Variants in RNF19B observed in about 807,000 individuals in gnomAD.
RNF19B encodes ring finger protein 19B.
RNF19B carries 23 observed loss-of-function variants against 65.5 expected under a neutral mutation model. That is an observed-to-expected ratio of 0.35 (90% CI 0.25 to 0.50). The LOEUF is 0.50. Ranked by LOEUF, RNF19B falls within the 20% of genes least tolerant of loss-of-function variation. The pLI, the probability that RNF19B is intolerant of heterozygous loss-of-function variation, is 0.98. For synonymous variants in RNF19B, 372 were observed against 379.6 expected, an observed-to-expected ratio of 0.98 and a Z score of 0.23; for missense variants, 794 against 980.0, an observed-to-expected ratio of 0.81 and a Z score of 2.53.
rs1269751606 is a variant in RNF19B, at chr1:32,964,636, G to A, written c.50C>T (p.Ala17Val). ...SESPRSTSLH[A>V]AAPDPKCRSG... is the part of the protein sequence containing the mutation. The stretch of plus-strand genomic sequence containing the variant: ...GCGGCACTTAGGGTCGGGTGCGGCC[G>A]CATGTAGCGATGTGGAGCGCGGCGA... The change falls in exon 1 of 9, where the codon GCG (alanine) becomes GTG (valine). Residue 17 changes from alanine to valine, a missense_variant. Around this residue, in one of 3 missense-constraint regions of RNF19B, gnomAD observed 374 missense variants for 423.8 expected, o/e 0.88. Transcript: ENST00000235150. The surrounding 1 kb of genome is among the most constrained non-coding windows in gnomAD (Gnocchi z 6.5). 3 of 1,473,808 alleles carry A rather than the reference G, an allele frequency of 2.0e-6. No individual in the cohort carries two copies. The highest frequency in any genetic ancestry group is 2.9e-5 in the African/African-American group (2 of 67,852). The allele number at this position is 1,473,808 out of a possible 1,614,324, so 91.3% of individuals were successfully genotyped here.
chr1:32,930,292 T>C, the RNF19B span, among the ~76,000 whole-genome samples: 20 of 152,058 alleles, frequency 1.3e-4, no homozygotes, highest in Non-Finnish European at 2.9e-5. Flanking sequence ...GTATTTTTAG[T>C]AGAGACAGGG....
chr1:32,964,770 C>G lies in RNF19B; in HGVS notation c.-85G>C. 3 of 1,222,116 alleles carry G rather than the reference C, an allele frequency of 2.5e-6. No homozygotes were observed. The highest frequency in any genetic ancestry group is 2.1e-6 in the Non-Finnish European group (2 of 962,144). 75.7% of individuals were successfully genotyped at this position (1,222,116 alleles called of 1,614,324 possible). ...CCCCTCAGCCAGCGCCCGGCCGCCGCCGACGCCGCCACCACCGCCTCAACC... is the reference window on the plus strand; with the variant it reads ...CCCCTCAGCCAGCGCCCGGCCGCCGGCGACGCCGCCACCACCGCCTCAACC... On this transcript the variant is annotated 5_prime_UTR_variant, in exon 1 of 9. Transcript: ENST00000235150. The surrounding 1 kb of genome is among the most constrained non-coding windows in gnomAD (Gnocchi z 6.5).
intron 1 of RNF19B, among the ~76,000 whole-genome samples, chr1:32,960,961 C>T (rs962921918): frequency 6.6e-6 from 1 of 151,902 alleles, no homozygotes. Context: ...TGCAGTGAGC[C>T]GTGATTGCAC....
chr1:32,944,256 G>C (rs1570092181), intron 5 of RNF19B, 97 bp from the exon 6 acceptor site: 2 of 1,365,370 alleles, frequency 1.5e-6, no homozygotes, highest in East Asian at 2.6e-5. Flanking sequence ...ACTTTATAAA[G>C]AAAGGAAGAC....
intron 6 of RNF19B, among the ~76,000 whole-genome samples, chr1:32,943,558 G>A (rs1642289923): frequency 6.6e-6 from 1 of 152,042 alleles, no homozygotes; most frequent in East Asian, 1.9e-4. Context: ...GGAGGTTGCA[G>A]TGAACCGAGA....
intron 6 of RNF19B, 68 bp downstream of exon 6, chr1:32,943,951 G>A (rs991057254): frequency 9.3e-5 from 136 of 1,467,894 alleles, no homozygotes; most frequent in East Asian, 2.8e-4. Context: ...TGTAAAATGC[G>A]CTGAATTTTA....
chr1:32,935,198 G>C (rs941137219), downstream of RNF19B, among the ~76,000 whole-genome samples: 3 of 149,534 alleles, frequency 2.0e-5, no homozygotes, highest in Admixed American at 6.7e-5. Context: ...CAGTGCAGTG[G>C]GTGATGTCAG....
chr1:32,937,965 A>G (rs1330302047), intron 8 of RNF19B, among the ~76,000 whole-genome samples: 1 of 151,960 alleles, frequency 6.6e-6, no homozygotes, highest in East Asian at 1.9e-4. Flanking sequence ...TAGTGGGAGT[A>G]CCACAATCAC....
In RNF19B at chr1:32,942,283, T is replaced by C; in HGVS notation, c.1579A>G (p.Ile527Val). The change falls in exon 7 of 9, where the codon ATT (isoleucine) becomes GTT (valine). Residue 527 changes from isoleucine to valine, a missense_variant. By Grantham distance (29) the Ile-to-Val change is conservative. This residue lies in a region of RNF19B where 368 missense variants were observed against 447.3 expected (regional missense o/e 0.82). Coordinates refer to ENST00000235150, the MANE Select transcript of RNF19B (RefSeq NM_001300826.2). ...TATTTTCCCTTGCCACTGGAGAGAA[T>C]GCCGCCACTCAGCGTGCCCCCTGAG... ...ALSGGTLSGG[I>V]LSSGKGKYSR... is the part of the protein sequence containing the mutation. The C allele has an allele frequency of 2.5e-6, 4 of 1,612,222 alleles. No homozygotes were observed. Among genetic ancestry groups the C allele is most frequent in the Non-Finnish European group, 3.4e-6 (4 of 1,178,350 alleles).
chr1:32,938,418 C>T lies in RNF19B; in HGVS notation c.1721G>A (p.Ser574Asn), dbSNP rs924228278. 6.2e-7 allele frequency: 1 copy of T among 1,614,212 alleles called. No individual in the cohort carries two copies. The highest frequency in any genetic ancestry group is 2.2e-5 in the East Asian group (1 of 44,892). Residue 574 changes from serine (S) to asparagine (N), a missense_variant, in exon 8 of 9, where the codon AGT becomes AAT. Ser to Asn is a conservative substitution (Grantham distance 46). This residue lies in a region of RNF19B where 368 missense variants were observed against 447.3 expected (regional missense o/e 0.82). Transcript: ENST00000235150. Reference sequence around the variant, plus strand: ...ATACCTGTCCTGTGGGTTGTAGGAACTGATTATGGAACCGGCCATAGCACG... The same window carrying T: ...ATACCTGTCCTGTGGGTTGTAGGAATTGATTATGGAACCGGCCATAGCACG... ...STRAMAGSIISSYNPQDRECN... is the reference protein window; with the variant it reads ...STRAMAGSIINSYNPQDRECN...
At chr1:32,941,142 G>C (rs1282591566) in intron 7 of RNF19B, among the ~76,000 whole-genome samples, 1 of 152,086 alleles carries the variant, frequency 6.6e-6, no homozygotes, top group African/African-American at 2.4e-5. Context: ...AGGATTGCCT[G>C]AGTCCAGGAA....
chr1:32,935,684 C>T (rs986386074), downstream of RNF19B, among the ~76,000 whole-genome samples: 7 of 152,136 alleles, frequency 4.6e-5, no homozygotes, highest in Non-Finnish European at 8.8e-5. Context: ...TGTGATTATG[C>T]GCATCAGTGT....
intron 2 of RNF19B, 69 bp from the exon 3 acceptor site, chr1:32,948,432 C>T: frequency 6.6e-7 from 1 of 1,522,116 alleles, no homozygotes; most frequent in Non-Finnish European, 9.0e-7. Flanking sequence ...TTTAATTGTT[C>T]CTAGGAGTAT....
intron 8 of RNF19B, 96 bp downstream of exon 8, chr1:32,938,300 TG>T: frequency 7.9e-7 from 1 of 1,270,464 alleles, no homozygotes; most frequent in East Asian, 2.3e-5. Flanking sequence ...TCCCAGGAGA[TG>T]GTACATACAG....
At chr1:32,945,790 G>GTAGATACAAA (rs1642353176) in intron 4 of RNF19B, among the ~76,000 whole-genome samples, 162 bp from the exon 5 acceptor site, 2 of 152,044 alleles carry the variant, frequency 1.3e-5, no homozygotes, top group Admixed American at 6.6e-5. Context: ...ACTCAGACCT[G>GTAGATACAAA]GAAGATATAA....
chr1:32,943,107 C>T (rs1642277486), intron 6 of RNF19B, among the ~76,000 whole-genome samples: 1 of 150,162 alleles, frequency 6.7e-6, no homozygotes, highest in Non-Finnish European at 1.5e-5. Flanking sequence ...TGCCACTGCA[C>T]TCCAGCCTGG....
At chr1:32,955,065 A>G (rs962186548) in intron 1 of RNF19B, among the ~76,000 whole-genome samples, 1 of 152,068 alleles carries the variant, frequency 6.6e-6, no homozygotes, top group African/African-American at 2.4e-5. Flanking sequence ...GTGCACAATT[A>G]TTTTATAACA....
At chr1:32,933,039 C>T (rs942955632), downstream of RNF19B, among the ~76,000 whole-genome samples, 1 of 152,182 alleles carries the variant, frequency 6.6e-6, no homozygotes, top group African/African-American at 2.4e-5. Context: ...ATCTACCACT[C>T]TGTCTTCCCT....
intron 1 of RNF19B, among the ~76,000 whole-genome samples, chr1:32,955,259 T>C (rs1642607229): frequency 6.6e-6 from 1 of 152,102 alleles, no homozygotes; most frequent in African/African-American, 2.4e-5. Flanking sequence ...TAGGACATTC[T>C]AGGTCTTCTC....
Sources: gnomAD v4.1 joint callset for allele counts (sites outside exome capture counted in the v4.1 genomes callset) on GRCh38, gnomAD v4.1.1 for gene constraint, gnomAD v4.1.1 regional missense constraint, Gnocchi (gnomAD v3.1) non-coding constraint, MANE v1.5 for transcripts, NCBI Gene and HGNC (gene_info 2026-07-23, HGNC 2026-07-21) for gene names.